The following POF1B variants were observed in gnomAD, a reference collection of about 807,000 sequenced individuals.
The protein encoded by POF1B is POF1B actin binding protein.
In POF1B, 53 loss-of-function variants were observed where a neutral mutation model predicts 55.3. That is an observed-to-expected ratio of 0.96 (90% CI 0.77 to 1.20). POF1B has a LOEUF of 1.20. POF1B is among the 50% of genes most tolerant of loss of function. POF1B has a pLI of 0.00. For synonymous variants in POF1B, 188 were observed against 148.3 expected, an observed-to-expected ratio of 1.27 and a Z score of -1.95; for missense variants, 478 against 420.5, an observed-to-expected ratio of 1.14 and a Z score of -1.20.
At chrX:85,322,131 G>A (rs911652285) in intron 7 of POF1B, among the ~76,000 whole-genome samples, 10 of 110,845 alleles carry the variant, frequency 9.0e-5, no homozygotes, top group South Asian at 3.9e-4. Context: ...AGCCCGCATC[G>A]CCAAGTCAAT....
intron 2 of POF1B, among the ~76,000 whole-genome samples, chrX:85,373,005 A>G (rs1029778895): frequency 9.1e-6 from 1 of 109,581 alleles, no homozygotes; most frequent in African/African-American, 3.3e-5. Context: ...AACTTAATAT[A>G]TACCCTGAAT....
intron 4 of POF1B, among the ~76,000 whole-genome samples, chrX:85,356,741 C>G (rs997259696): frequency 9.0e-6 from 1 of 111,403 alleles, no homozygotes; most frequent in African/African-American, 3.3e-5. Flanking sequence ...TTTTTCTCAA[C>G]CTGTCCATTT....
chrX:85,286,181 TATGAAGG>T (rs1206763050), intron 15 of POF1B, among the ~76,000 whole-genome samples: 1 of 111,369 alleles, frequency 9.0e-6, no homozygotes, highest in Non-Finnish European at 1.9e-5. Context: ...ATATTAGTCA[TATGAAGG>T]AAATGGAAGT....
At chrX:85,322,828 C>A (rs1409776034) in intron 7 of POF1B, among the ~76,000 whole-genome samples, 2 of 111,615 alleles carry the variant, frequency 1.8e-5, no homozygotes, top group African/African-American at 3.3e-5. Context: ...TATGCAGCCA[C>A]AAAACACATG....
intron 15 of POF1B, among the ~76,000 whole-genome samples, chrX:85,299,010 C>CA (rs774842432): frequency 9.6e-4 from 104 of 108,843 alleles, no homozygotes; most frequent in African/African-American, 2.9e-3. Flanking sequence ...GAAATCTGGC[C>CA]AAAAAAAATC....
chrX:85,348,222 G>A (rs138260916), intron 5 of POF1B, among the ~76,000 whole-genome samples: 53 of 110,671 alleles, frequency 4.8e-4, no homozygotes, highest in African/African-American at 1.7e-3. Flanking sequence ...GTCTTAGCAG[G>A]TTTTCAGTTT....
intron 7 of POF1B, among the ~76,000 whole-genome samples, chrX:85,320,683 A>G (rs1932828424): frequency 9.0e-6 from 1 of 111,389 alleles, no homozygotes; most frequent in African/African-American, 3.3e-5. Flanking sequence ...AGCAAAATTG[A>G]TAGACCGCTA....
In POF1B at chrX:85,308,130, A is replaced by T. The variant is rs770497075; in HGVS notation, c.1044T>A (p.Asp348Glu). 120 of 1,175,508 alleles carry T rather than the reference A, an allele frequency of 1.0e-4. No individual in the cohort carries two copies. The highest frequency in any genetic ancestry group is 4.7e-4 in the Middle Eastern group (2 of 4,256). The change falls in exon 10 of 17, where the codon GAT becomes GAA. Residue 348 changes from aspartate (D) to glutamate (E), a missense_variant. Transcript: ENST00000262753. ...IREELGHLQN[D>E]MTSLENDKMR... Reference sequence around the variant, plus strand: ...AAATCAAAATAAATCTTACTGTCATATCATTTTGAAGATGTCCAAGCTCCT... The same window carrying T: ...AAATCAAAATAAATCTTACTGTCATTTCATTTTGAAGATGTCCAAGCTCCT...
intron 3 of POF1B, among the ~76,000 whole-genome samples, chrX:85,362,495 G>T (rs745719488): frequency 8.9e-6 from 1 of 111,877 alleles, no homozygotes; most frequent in Non-Finnish European, 1.9e-5. Flanking sequence ...CATTTATTGA[G>T]ATAATCATGT....
intron 15 of POF1B, among the ~76,000 whole-genome samples, chrX:85,289,069 A>G (rs1020419478): frequency 2.7e-5 from 3 of 111,323 alleles, no homozygotes; most frequent in Non-Finnish European, 5.7e-5. Context: ...TACAAGCAAA[A>G]TGGCAGAACA....
chrX:85,311,726 A>G lies in POF1B; in HGVS notation c.957+2706T>C, dbSNP rs373596536. Among the ~76,000 whole-genome samples, 16 of 112,123 alleles carry G rather than the reference A, an allele frequency of 1.4e-4. No individual in the cohort carries two copies. In the East Asian group the frequency reaches 3.6e-3, roughly 26 times the overall value. ...CCCAGTAATGGGATTGCTGAGTCAA[A>G]TGGTATTTCTAGTTCTAGATCCTTG... On this transcript the variant is annotated intron_variant, in intron 9 of 16. Transcript: ENST00000262753.
At chrX:85,281,129 G>A (rs1315280149) in intron 16 of POF1B, among the ~76,000 whole-genome samples, 1 of 110,360 alleles carries the variant, frequency 9.1e-6, no homozygotes, top group African/African-American at 3.3e-5. Flanking sequence ...ACCAATGATG[G>A]GTTGAAAATA....
chrX:85,320,608 A>C (rs1932827561), intron 7 of POF1B, among the ~76,000 whole-genome samples: 2 of 111,726 alleles, frequency 1.8e-5, no homozygotes. Context: ...GAACTGAAGG[A>C]AATAGAGACA....
intron 3 of POF1B, among the ~76,000 whole-genome samples, chrX:85,362,084 C>T (rs757302595): frequency 1.1e-4 from 12 of 110,157 alleles, no homozygotes; most frequent in Non-Finnish European, 1.7e-4. Flanking sequence ...TGATTTTGCA[C>T]ATTGATTTGG....
chrX:85,363,629 G>C (rs901283255), intron 3 of POF1B, among the ~76,000 whole-genome samples: 2 of 111,825 alleles, frequency 1.8e-5, no homozygotes, highest in Non-Finnish European at 3.8e-5. Flanking sequence ...TATGATTTCA[G>C]TTCTCTTGCA....
chrX:85,328,094 C>T (rs1932918737), intron 7 of POF1B, among the ~76,000 whole-genome samples: 1 of 111,040 alleles, frequency 9.0e-6, no homozygotes, highest in Non-Finnish European at 1.9e-5. Flanking sequence ...CTCTATTCAA[C>T]ACTGGAAGAT....
At chrX:85,337,552 C>T (rs1011044972) in intron 6 of POF1B, among the ~76,000 whole-genome samples, 3 of 111,617 alleles carry the variant, frequency 2.7e-5, no homozygotes, top group Non-Finnish European at 1.9e-5. Flanking sequence ...TTGGTGGAAG[C>T]TTCTCTTTGT....
intron 7 of POF1B, among the ~76,000 whole-genome samples, chrX:85,320,292 C>G (rs1932823790): frequency 9.0e-6 from 1 of 110,665 alleles, no homozygotes; most frequent in South Asian, 3.9e-4. Flanking sequence ...GAAACTCACT[C>G]AAAACCGCAC....
chrX:85,316,135 C>A (rs1172995625), intron 7 of POF1B, among the ~76,000 whole-genome samples: 21 of 111,159 alleles, frequency 1.9e-4, no homozygotes. Context: ...TGTTTCAGTG[C>A]TGATTCCATC....
Sources: gnomAD v4.1 joint callset for allele counts (sites outside exome capture counted in the v4.1 genomes callset) on GRCh38, gnomAD v4.1.1 for gene constraint, MANE v1.5 for transcripts, NCBI Gene and HGNC (gene_info 2026-07-23, HGNC 2026-07-21) for gene names.